The following NBAS variants were observed in gnomAD, a reference collection of about 807,000 sequenced individuals.
NBAS encodes the protein NAG/BC035112 fusion.
Under a neutral mutation model 302.5 loss-of-function variants are expected in NBAS, and 219 were observed. The observed-to-expected ratio is 0.72, with a 90% CI of 0.65 to 0.81. The LOEUF (loss-of-function observed/expected upper bound fraction) is 0.81, where lower values mean the gene tolerates loss of function less well. Among genes scored for constraint, NBAS ranks in the 30% least tolerant of loss-of-function variants. The pLI, the probability that NBAS is intolerant of heterozygous loss-of-function variation, is 0.00. For synonymous variants in NBAS, 1,118 were observed against 1,021.6 expected, an observed-to-expected ratio of 1.09 and a Z score of -1.80; for missense variants, 2,932 against 2,841.6, an observed-to-expected ratio of 1.03 and a Z score of -0.72.
intron 11 of NBAS, 103 bp from the exon 12 acceptor site, chr2:15,489,125 T>C (rs1680753409): frequency 9.1e-6 from 12 of 1,322,166 alleles, no homozygotes; most frequent in Admixed American, 1.8e-5. Flanking sequence ...AAATGATCTT[T>C]AGTAATTAAG....
chr2:14,801,910 T>C, the NBAS span, among the ~76,000 whole-genome samples: 7 of 148,866 alleles, frequency 4.7e-5, no homozygotes, highest in Non-Finnish European at 1.0e-4. Context: ...TCATTGTAGA[T>C]TCTGGATATT....
chr2:14,846,912 G>GA, the NBAS span, among the ~76,000 whole-genome samples: 1 of 151,550 alleles, frequency 6.6e-6, no homozygotes, highest in African/African-American at 2.4e-5. Context: ...AAGAGAAAGA[G>GA]AAAAAAACAA....
Position 15,417,701 on chromosome 2 carries a change from T to A in NBAS, c.2589A>T (p.Ala863=). The change falls in exon 24 of 52, where the codon GCA becomes GCT. Residue 863 remains alanine, a synonymous_variant. Coordinates refer to ENST00000281513, the MANE Select transcript of NBAS (RefSeq NM_015909.4). Reference sequence around the variant, plus strand: ...CCATCCCAAGTCGAATAAGTGACAATGCACAGTCCACCTAAAATTGAAAAG... The same window carrying A: ...CCATCCCAAGTCGAATAAGTGACAAAGCACAGTCCACCTAAAATTGAAAAG... ...IEHYARQVDC[A]LSLIRLGMER... is the part of the protein sequence containing the mutation. 1 of 1,613,884 alleles carries A rather than the reference T, an allele frequency of 6.2e-7. No homozygotes were observed. The highest frequency in any genetic ancestry group is 8.5e-7 in the Non-Finnish European group (1 of 1,179,880).
chr2:14,879,277 T>A, the NBAS span, among the ~76,000 whole-genome samples: 23 of 152,158 alleles, frequency 1.5e-4, no homozygotes. Context: ...ATGTGCAGAT[T>A]TTTGTTTGTA....
intron 41 of NBAS, among the ~76,000 whole-genome samples, chr2:15,290,861 T>G (rs866334028): frequency 6.6e-6 from 1 of 152,200 alleles, no homozygotes; most frequent in African/African-American, 2.4e-5. Flanking sequence ...GATCTCTCTA[T>G]GCCATGCCTC....
chr2:15,300,858 G>T (rs1359453820), intron 40 of NBAS, among the ~76,000 whole-genome samples: 1 of 152,182 alleles, frequency 6.6e-6, no homozygotes, highest in Non-Finnish European at 1.5e-5. Flanking sequence ...TGCCCACAGC[G>T]GGGAGAAGGA....
At chr2:15,089,677 A>G in the NBAS span, among the ~76,000 whole-genome samples, 32 of 152,040 alleles carry the variant, frequency 2.1e-4, no homozygotes, top group Non-Finnish European at 4.4e-4. Flanking sequence ...CTTTTTCAAA[A>G]GAAGCTGAAA....
chr2:15,366,444 A>G (rs1572726892), intron 32 of NBAS, 136 bp downstream of exon 32: 1 of 824,256 alleles, frequency 1.2e-6, no homozygotes, highest in Non-Finnish European at 2.0e-6. Context: ...CTCCAGCCTG[A>G]GCAACAGAGC....
chr2:15,454,729 C>T (rs780467646), intron 21 of NBAS, among the ~76,000 whole-genome samples: 4 of 152,086 alleles, frequency 2.6e-5, no homozygotes, highest in African/African-American at 9.7e-5. Context: ...GGTGTTATAA[C>T]TCTCCATCAA....
chr2:14,892,335 A>G, the NBAS span, among the ~76,000 whole-genome samples: 8,845 of 152,250 alleles, frequency 0.058, 301 homozygotes, highest in African/African-American at 0.088. Flanking sequence ...TCACATCAAG[A>G]AAATGTTGCA....
At chr2:15,213,014 A>G (rs1031112762) in intron 48 of NBAS, among the ~76,000 whole-genome samples, 2 of 152,154 alleles carry the variant, frequency 1.3e-5, no homozygotes, top group Middle Eastern at 3.2e-3. Context: ...GTCCTTCACC[A>G]ATTAGGTCCA....
chr2:15,403,902 T>C (rs975511025), intron 25 of NBAS, among the ~76,000 whole-genome samples: 27 of 122,526 alleles, frequency 2.2e-4, no homozygotes, highest in African/African-American at 7.8e-4. Flanking sequence ...TGTGTGTGTC[T>C]ATACACTTTT....
chr2:15,293,669 C>T (rs1176057256), intron 40 of NBAS, among the ~76,000 whole-genome samples: 1 of 151,666 alleles, frequency 6.6e-6, no homozygotes, highest in Admixed American at 6.6e-5. Flanking sequence ...AAAGAATCTA[C>T]CTTTGGTTCT....
At chr2:14,824,996 G>A in the NBAS span, among the ~76,000 whole-genome samples, 3 of 152,090 alleles carry the variant, frequency 2.0e-5, no homozygotes, top group Non-Finnish European at 4.4e-5. Context: ...CTGTTCTTTC[G>A]GTGCCCTAGG....
At chr2:14,847,382 TAAAAAAAAAAA>T in the NBAS span, among the ~76,000 whole-genome samples, 6 of 53,166 alleles carry the variant, frequency 1.1e-4, no homozygotes, top group African/African-American at 2.0e-4. Flanking sequence ...GACTCTATCT[TAAAAAAAAAAA>T]AAAAAAAAAA....
chr2:14,903,659 T>G, the NBAS span, among the ~76,000 whole-genome samples: 3 of 152,172 alleles, frequency 2.0e-5, no homozygotes, highest in Admixed American at 1.3e-4. Context: ...ACGAGACACT[T>G]TGAGGAAAAC....
intron 7 of NBAS, 53 bp downstream of exon 7, chr2:15,539,170 A>T: frequency 3.1e-6 from 5 of 1,607,732 alleles, no homozygotes; most frequent in Non-Finnish European, 4.3e-6. Context: ...TCAAGTACCT[A>T]TACATACATG....
intron 25 of NBAS, among the ~76,000 whole-genome samples, chr2:15,404,360 C>T (rs771384885): frequency 5.0e-4 from 76 of 152,004 alleles, no homozygotes; most frequent in Non-Finnish European, 1.0e-3. Flanking sequence ...AAGAAAACAT[C>T]CCTGGAAGAT....
the NBAS span, among the ~76,000 whole-genome samples, chr2:15,111,202 G>C: frequency 1.3e-5 from 2 of 152,130 alleles, no homozygotes; most frequent in African/African-American, 4.8e-5. Context: ...ATGGAATGTA[G>C]TATAAGATTT....
Sources: gnomAD v4.1 joint callset for allele counts (sites outside exome capture counted in the v4.1 genomes callset) on GRCh38, gnomAD v4.1.1 for gene constraint, MANE v1.5 for transcripts, NCBI Gene and HGNC (gene_info 2026-07-23, HGNC 2026-07-21) for gene names.